KATNIP: variants seen among roughly 807,000 people sequenced by gnomAD.
KATNIP encodes katanin-interacting protein.
A neutral mutation model predicts 174.0 loss-of-function variants in KATNIP; 126 were observed. That is an observed-to-expected ratio of 0.72 (90% CI 0.63 to 0.84). KATNIP has a LOEUF of 0.84. KATNIP is among the 40% of genes least tolerant of loss of function. The pLI, the probability that KATNIP is intolerant of heterozygous loss-of-function variation, is 0.00. For synonymous variants in KATNIP, 810 were observed against 835.7 expected (o/e 0.97, Z 0.53); for missense variants, 1,958 against 2,109.7 (o/e 0.93, Z 1.41).
intron 15 of KATNIP, 118 bp from the exon 16 acceptor site, chr16:27,749,466 G>A: frequency 8.2e-7 from 1 of 1,217,618 alleles, no homozygotes. Context: ...TTTCTAGAGG[G>A]CTCCCCTGGA....
intron 10 of KATNIP, among the ~76,000 whole-genome samples, chr16:27,700,825 G>A (rs1367792889): frequency 6.6e-6 from 1 of 152,204 alleles, no homozygotes; most frequent in East Asian, 1.9e-4. Context: ...CACTGGAGCT[G>A]TTTGCTGTTT....
At chr16:27,775,157 A>C (rs911469493) in intron 24 of KATNIP, 73 bp downstream of exon 24, 2 of 1,520,382 alleles carry the variant, frequency 1.3e-6, no homozygotes, top group African/African-American at 2.8e-5. Flanking sequence ...CCCTGGTCTC[A>C]GTGACACGTC....
intron 1 of KATNIP, among the ~76,000 whole-genome samples, chr16:27,568,885 A>C (rs553152329): frequency 6.6e-6 from 1 of 152,274 alleles, no homozygotes; most frequent in East Asian, 1.9e-4. Flanking sequence ...GCCAAGACTG[A>C]GCATTTTACC....
chr16:27,651,093 A>C (rs1346401446), intron 6 of KATNIP, among the ~76,000 whole-genome samples: 1 of 152,178 alleles, frequency 6.6e-6, no homozygotes, highest in East Asian at 1.9e-4. Flanking sequence ...CCTTTGGTCA[A>C]GCATTGGGCA....
chr16:27,776,746 A>C lies in KATNIP; in HGVS notation c.4450-182A>C, dbSNP rs2082511488. On this transcript the variant is annotated intron_variant, in intron 24 of 27. Coordinates refer to ENST00000261588, the MANE Select transcript of KATNIP (RefSeq NM_015202.5). The surrounding 1 kb of genome is among the most constrained non-coding windows in gnomAD (Gnocchi z 4.7). The stretch of plus-strand genomic sequence containing the variant: ...AGCGGTTTGTTGCAAATGCAGCCAC[A>C]CGTGACCTGACTCAAGATGGGCTTC... 1 of 604,290 alleles carries C rather than the reference A, an allele frequency of 1.7e-6. No homozygotes were observed. Among genetic ancestry groups the C allele is most frequent in the Admixed American group, 2.8e-5 (1 of 36,034 alleles). The allele number at this position is 604,290 out of a possible 1,614,324, so 37.4% of individuals were successfully genotyped here.
chr16:27,649,734 T>C (rs533964856), intron 6 of KATNIP, among the ~76,000 whole-genome samples: 5 of 152,184 alleles, frequency 3.3e-5, no homozygotes, highest in Non-Finnish European at 7.4e-5. Context: ...GATGAGATCA[T>C]TTCAGGTATC....
chr16:27,721,618 G>A lies in KATNIP; in HGVS notation c.1666G>A (p.Val556Ile). 1 of 1,614,152 alleles carries A rather than the reference G, an allele frequency of 6.2e-7. No homozygotes were observed. The highest frequency in any genetic ancestry group is 1.1e-5 in the South Asian group (1 of 91,078). The part of the protein sequence containing the change: ...PFHPPLQLFF[V>I]IRNTRQLGDF... ...CCACCCACCACTCCAGCTGTTTTTT[G>A]TTATTCGAAACACAAGACAGCTGGG... Residue 556 changes from valine (V) to isoleucine (I), a missense_variant, in exon 14 of 28, where the codon GTT becomes ATT. Transcript: ENST00000261588.
intron 1 of KATNIP, among the ~76,000 whole-genome samples, chr16:27,556,121 T>C (rs1446060174): frequency 6.6e-6 from 1 of 150,592 alleles, no homozygotes. Context: ...AGTGAGACTC[T>C]GTCTCAAAAA....
intron 1 of KATNIP, among the ~76,000 whole-genome samples, chr16:27,571,171 T>TA (rs1823633483): frequency 6.6e-6 from 1 of 152,086 alleles, no homozygotes; most frequent in Non-Finnish European, 1.5e-5. Context: ...TAGCTGGAAT[T>TA]ACAAGCATGT....
chr16:27,732,828 A>C (rs1462852961), intron 14 of KATNIP, among the ~76,000 whole-genome samples: 1 of 152,180 alleles, frequency 6.6e-6, no homozygotes, highest in Non-Finnish European at 1.5e-5. Flanking sequence ...TGGAGCCAGC[A>C]CTTCCGGGCA....
chr16:27,593,000 A>G (rs1235910452), intron 2 of KATNIP, among the ~76,000 whole-genome samples: 1 of 152,204 alleles, frequency 6.6e-6, no homozygotes, highest in Non-Finnish European at 1.5e-5. Context: ...GCTTCACAGA[A>G]TCATCTGGAT....
At chr16:27,568,903 A>G (rs1332219768) in intron 1 of KATNIP, among the ~76,000 whole-genome samples, 1 of 152,152 alleles carries the variant, frequency 6.6e-6, no homozygotes, top group Non-Finnish European at 1.5e-5. Context: ...ACCAGACTCG[A>G]TGGGAGTGAG....
intron 14 of KATNIP, among the ~76,000 whole-genome samples, chr16:27,734,395 TAAAAAA>T (rs34449454): frequency 8.8e-6 from 1 of 113,784 alleles, no homozygotes; most frequent in African/African-American, 3.3e-5. Flanking sequence ...GGGACTTATT[TAAAAAA>T]AAAAAAAAAA....
At position 27,630,891 on chromosome 16, in the gene KATNIP, C is replaced by G. The variant is rs1279978094; in HGVS notation, c.311-174C>G. On this transcript the variant is annotated intron_variant, in intron 4 of 27. Coordinates refer to ENST00000261588, the MANE Select transcript of KATNIP (RefSeq NM_015202.5). ...ATTTACCCATTCCTTTTTTGCTCAA[C>G]ATTTAGCTTGTTTTCTGATGTCTTG... Among the ~76,000 whole-genome samples the G allele has an allele frequency of 2.0e-5, 3 of 152,074 alleles. No individual in the cohort carries two copies. The East Asian group carries it at 5.8e-4, about 29-fold the overall frequency.
At chr16:27,625,974 C>G (rs1462445623) in intron 3 of KATNIP, among the ~76,000 whole-genome samples, 1 of 152,072 alleles carries the variant, frequency 6.6e-6, no homozygotes, top group Non-Finnish European at 1.5e-5. Flanking sequence ...CCCAGCCTCC[C>G]AAGTAGCTAG....
At chr16:27,583,114 CAA>C (rs1469897548) in intron 2 of KATNIP, among the ~76,000 whole-genome samples, 2 of 152,276 alleles carry the variant, frequency 1.3e-5, no homozygotes, top group African/African-American at 4.8e-5. Flanking sequence ...TGCCGAAAAG[CAA>C]AGAGAATCAA....
intron 1 of KATNIP, among the ~76,000 whole-genome samples, chr16:27,552,006 C>A (rs952582136): frequency 3.9e-5 from 6 of 152,174 alleles, no homozygotes; most frequent in Non-Finnish European, 2.9e-5. Context: ...AGTTCAAGAC[C>A]AGCCTGGGCA....
intron 22 of KATNIP, among the ~76,000 whole-genome samples, chr16:27,771,945 G>T (rs1418070872): frequency 6.6e-6 from 1 of 152,126 alleles, no homozygotes; most frequent in African/African-American, 2.4e-5. Context: ...GGGGAAGGGG[G>T]GTGTCCTGGA....
intron 6 of KATNIP, among the ~76,000 whole-genome samples, chr16:27,677,480 T>G (rs1267637569): frequency 2.2e-5 from 3 of 138,162 alleles, no homozygotes; most frequent in African/African-American, 8.0e-5. Context: ...CCACCCCACC[T>G]TCCCCCGGCA....
Sources: allele counts gnomAD v4.1 joint callset (sites outside exome capture counted in the v4.1 genomes callset), GRCh38; gene constraint gnomAD v4.1.1; non-coding constraint Gnocchi (gnomAD v3.1); transcripts MANE v1.5; gene names NCBI Gene and HGNC (gene_info 2026-07-23, HGNC 2026-07-21).